Variants in CENPP observed in about 807,000 individuals in gnomAD.
The protein encoded by CENPP is centromere protein P.
In CENPP, 24 loss-of-function variants were observed where a neutral mutation model predicts 35.6. That is an observed-to-expected ratio of 0.67 (90% CI 0.49 to 0.95). The LOEUF (loss-of-function observed/expected upper bound fraction) is 0.95, where lower values mean the gene tolerates loss of function less well. CENPP is among the 40% of genes least tolerant of loss of function. CENPP has a pLI of 0.00. For synonymous variants in CENPP, 120 were observed against 125.5 expected (o/e 0.96, Z 0.29); for missense variants, 332 against 345.3 (o/e 0.96, Z 0.31).
chr9:92,450,882 C>T (rs1370569307), intron 5 of CENPP, among the ~76,000 whole-genome samples: 2 of 152,302 alleles, frequency 1.3e-5, no homozygotes, highest in African/African-American at 4.8e-5. Flanking sequence ...TTTTTGGCTG[C>T]ATACATGTCT....
upstream of CENPP, chr9:92,325,878 C>T (rs1175197026): frequency 1.8e-5 from 13 of 735,804 alleles, no homozygotes; most frequent in Admixed American, 2.0e-4. Flanking sequence ...TCCCGCCTCC[C>T]CTCCGCGTGA....
chr9:92,479,036 G>A (rs773153719), intron 5 of CENPP, among the ~76,000 whole-genome samples: 1 of 152,104 alleles, frequency 6.6e-6, no homozygotes, highest in African/African-American at 2.4e-5. Flanking sequence ...CTTCAGCCTC[G>A]TGCCACCGTC....
chr9:92,514,724 A>G (rs761287103), intron 5 of CENPP: 9 of 1,607,786 alleles, frequency 5.6e-6, no homozygotes, highest in Non-Finnish European at 7.7e-6. Context: ...TAGGACAGAG[A>G]GCACCCGCTT....
chr9:92,447,354 A>G (rs1043697253), intron 5 of CENPP, among the ~76,000 whole-genome samples: 1 of 151,908 alleles, frequency 6.6e-6, no homozygotes, highest in East Asian at 1.9e-4. Context: ...AGACAGTGAC[A>G]GGTCATCAGA....
chr9:92,564,857 C>T (rs1433495941), intron 5 of CENPP, among the ~76,000 whole-genome samples: 5 of 152,166 alleles, frequency 3.3e-5, no homozygotes, highest in Non-Finnish European at 7.3e-5. Context: ...AATTGATAGA[C>T]TCTTTATGTA....
At chr9:92,422,167 C>T (rs1392992483) in intron 5 of CENPP, among the ~76,000 whole-genome samples, 1 of 152,054 alleles carries the variant, frequency 6.6e-6, no homozygotes, top group Non-Finnish European at 1.5e-5. Context: ...TCTTGTGCCT[C>T]AGCCTCCTGA....
chr9:92,409,906 T>C (rs1323098076), intron 5 of CENPP, among the ~76,000 whole-genome samples: 1 of 152,104 alleles, frequency 6.6e-6, no homozygotes, highest in Admixed American at 6.6e-5. Flanking sequence ...AGGGAATGCA[T>C]TGAGGTTTTT....
chr9:92,335,860 C>T (rs1840909913), intron 2 of CENPP, among the ~76,000 whole-genome samples: 1 of 152,144 alleles, frequency 6.6e-6, no homozygotes, highest in African/African-American at 2.4e-5. Context: ...TATTCTGGCT[C>T]TCCTGAGTTT....
At position 92,334,411 on chromosome 9, in the gene CENPP, G is replaced by A. The variant is rs538497670; in HGVS notation, c.289+2060G>A. Among the ~76,000 whole-genome samples, 13 of 152,148 alleles carry A rather than the reference G, an allele frequency of 8.5e-5. No homozygotes were observed. In the South Asian group the frequency reaches 1.7e-3, roughly 19 times the overall value. ...TGGGATTACAGGTGTGAGCCCCTGC[G>A]CCTGGCCGAGAGTAGTATTTTAATT... On this transcript the variant is annotated intron_variant, in intron 2 of 7. Transcript: ENST00000375587.
intron 4 of CENPP, among the ~76,000 whole-genome samples, chr9:92,359,753 A>G (rs1025529123): frequency 2.6e-5 from 4 of 151,856 alleles, no homozygotes; most frequent in Non-Finnish European, 5.9e-5. Context: ...GCCGCAGTGA[A>G]CAAAACACAG....
chr9:92,368,046 C>G (rs1015780003), intron 4 of CENPP, among the ~76,000 whole-genome samples: 1 of 152,072 alleles, frequency 6.6e-6, no homozygotes, highest in Non-Finnish European at 1.5e-5. Context: ...ATTATTTTTT[C>G]ACTATTTAAT....
At chr9:92,328,437 T>C (rs1333620431) in intron 1 of CENPP, among the ~76,000 whole-genome samples, 1 of 152,238 alleles carries the variant, frequency 6.6e-6, no homozygotes, top group Non-Finnish European at 1.5e-5. Flanking sequence ...GTCTCTGCTA[T>C]TGGCTGAGTG....
intron 3 of CENPP, among the ~76,000 whole-genome samples, chr9:92,338,549 G>A (rs1480679279): frequency 6.6e-6 from 1 of 151,848 alleles, no homozygotes; most frequent in Non-Finnish European, 1.5e-5. Context: ...ATTGTTTAGG[G>A]AATCATTATG....
chr9:92,517,461 T>C (rs1206341631), intron 5 of CENPP: 2 of 622,874 alleles, frequency 3.2e-6, no homozygotes, highest in African/African-American at 1.8e-5. Flanking sequence ...CTCATCCAAG[T>C]TTACTGAATC....
chr9:92,590,399 T>C (rs1850638031), intron 5 of CENPP, among the ~76,000 whole-genome samples: 1 of 152,244 alleles, frequency 6.6e-6, no homozygotes, highest in Non-Finnish European at 1.5e-5. Context: ...TTAAAGATGT[T>C]TGATTTTTAA....
chr9:92,541,422 A>T (rs62572513), intron 5 of CENPP, among the ~76,000 whole-genome samples: 1 of 48,770 alleles, frequency 2.1e-5, no homozygotes, highest in Non-Finnish European at 4.3e-5. Flanking sequence ...CCCCCTCCCC[A>T]CCCCGCCCAC....
chr9:92,599,825 C>T (rs370211131), intron 5 of CENPP, among the ~76,000 whole-genome samples: 26 of 152,250 alleles, frequency 1.7e-4, no homozygotes, highest in African/African-American at 5.8e-4. Context: ...TCTCCATTTA[C>T]GAGACATGGT....
chr9:92,486,256 T>C (rs1319312241), intron 5 of CENPP, among the ~76,000 whole-genome samples: 1 of 152,154 alleles, frequency 6.6e-6, no homozygotes, highest in African/African-American at 2.4e-5. Context: ...TTTTGTATAG[T>C]AGATGCTTAA....
At chr9:92,530,645 G>A (rs756527582) in intron 5 of CENPP, among the ~76,000 whole-genome samples, 14 of 152,044 alleles carry the variant, frequency 9.2e-5, no homozygotes, top group Non-Finnish European at 1.6e-4. Context: ...CAGTGTCTCC[G>A]GGAGTGCTTT....
Sources: gnomAD v4.1 joint callset for allele counts (sites outside exome capture counted in the v4.1 genomes callset) on GRCh38, gnomAD v4.1.1 for gene constraint, MANE v1.5 for transcripts, NCBI Gene and HGNC (gene_info 2026-07-23, HGNC 2026-07-21) for gene names.